TMEM232: variants seen among roughly 807,000 people sequenced by gnomAD.
The protein encoded by TMEM232 is transmembrane protein 232.
In TMEM232, 80 loss-of-function variants were observed where a neutral mutation model predicts 78.8. The ratio of observed to expected loss-of-function variants is 1.01; its 90% CI spans 0.85 to 1.22. The LOEUF (loss-of-function observed/expected upper bound fraction) is 1.22. Ranked by LOEUF, TMEM232 falls within the 50% of genes most tolerant of loss-of-function variation. The probability of loss-of-function intolerance (pLI) is 0.00; values close to 1 mark genes in which losing one functional copy is unlikely to be tolerated. For missense variants in TMEM232, 881 were observed against 742.2 expected (o/e 1.19, Z -2.17); for synonymous variants, 297 against 254.3 (o/e 1.17, Z -1.60).
intron 3 of TMEM232, among the ~76,000 whole-genome samples, chr5:110,391,326 T>TGTGTGTGAGAGA (rs549361387): frequency 7.1e-5 from 10 of 139,924 alleles, no homozygotes; most frequent in East Asian, 4.3e-4. Flanking sequence ...TGTGTGTGTG[T>TGTGTGTGAGAGA]GAGAGAGAGA....
Position 110,646,296 on chromosome 5 carries a change from T to C in TMEM232, c.126-3925A>G, listed in dbSNP as rs561369027. On this transcript the variant is annotated intron_variant, in intron 2 of 13. Transcript: ENST00000455884. ...CAATCTTGTGCAAGATGAACAAAAA[T>C]GGAGGAATCACATTTCCTGACTTCA... is the stretch of plus-strand genomic sequence containing the variant. Among the ~76,000 whole-genome samples the C allele has an allele frequency of 1.6e-4, 25 of 151,752 alleles. No individual in the cohort carries two copies. In the South Asian group the frequency reaches 5.0e-3, roughly 30 times the overall value.
intron 1 of TMEM232, among the ~76,000 whole-genome samples, chr5:110,697,537 A>G (rs1258537354): frequency 3.3e-5 from 5 of 152,092 alleles, no homozygotes; most frequent in Non-Finnish European, 1.5e-5. Flanking sequence ...GAAAATTTTT[A>G]CAATCTACTC....
chr5:110,427,590 A>G (rs1339579223), intron 12 of TMEM232, among the ~76,000 whole-genome samples: 1 of 151,986 alleles, frequency 6.6e-6, no homozygotes, highest in Non-Finnish European at 1.5e-5. Flanking sequence ...TTAGATAAAC[A>G]GAAATTCATT....
At chr5:110,591,949 A>C (rs1433890736) in intron 10 of TMEM232, among the ~76,000 whole-genome samples, 1 of 152,110 alleles carries the variant, frequency 6.6e-6, no homozygotes, top group Non-Finnish European at 1.5e-5. Flanking sequence ...TACCTTTGGA[A>C]CCCTCCATTT....
At chr5:110,672,772 C>A (rs921716998) in intron 1 of TMEM232, among the ~76,000 whole-genome samples, 1 of 151,912 alleles carries the variant, frequency 6.6e-6, no homozygotes, top group Non-Finnish European at 1.5e-5. Context: ...ATCAAATTCC[C>A]AGTAGATCCC....
At chr5:110,465,821 T>G (rs1762015512) in intron 12 of TMEM232, among the ~76,000 whole-genome samples, 1 of 152,194 alleles carries the variant, frequency 6.6e-6, no homozygotes, top group Non-Finnish European at 1.5e-5. Flanking sequence ...CCCAATTGGT[T>G]AGAAAAATAT....
intron 1 of TMEM232, among the ~76,000 whole-genome samples, chr5:110,737,287 A>G (rs961755102): frequency 6.6e-6 from 1 of 152,112 alleles, no homozygotes; most frequent in African/African-American, 2.4e-5. Context: ...TTAATCAATA[A>G]TAATTATTTG....
At chr5:110,391,326 T>TGAGAGAGAGAGAGAGAGA (rs71626630) in intron 3 of TMEM232, among the ~76,000 whole-genome samples, 2 of 139,922 alleles carry the variant, frequency 1.4e-5, no homozygotes, top group African/African-American at 5.9e-5. Context: ...TGTGTGTGTG[T>TGAGAGAGAGAGAGAGAGA]GAGAGAGAGA....
At chr5:110,697,370 T>C (rs1340804077) in intron 1 of TMEM232, among the ~76,000 whole-genome samples, 1 of 152,200 alleles carries the variant, frequency 6.6e-6, no homozygotes, top group Non-Finnish European at 1.5e-5. Flanking sequence ...GGCAATATCA[T>C]TCAGGACATA....
In TMEM232 at chr5:110,654,247, C is replaced by T. The variant is rs1413504111; in HGVS notation, c.126-11876G>A. 2.0e-5 allele frequency among the ~76,000 whole-genome samples: 3 copies of T among 152,238 alleles called. No individual in the cohort carries two copies. The East Asian group carries it at 5.8e-4, about 29-fold the overall frequency. On this transcript the variant is annotated intron_variant, in intron 2 of 13. Coordinates refer to ENST00000455884, the MANE Select transcript of TMEM232 (RefSeq NM_001039763.4). The stretch of plus-strand genomic sequence containing the variant: ...TGATGCCAGCTGGGCCAATTCAGGT[C>T]TCTTTCTAAGGATTTTAAATAAAAT...
intron 2 of TMEM232, among the ~76,000 whole-genome samples, chr5:110,664,976 G>T (rs936006936): frequency 2.0e-5 from 3 of 152,156 alleles, no homozygotes; most frequent in African/African-American, 7.2e-5. Context: ...GTTACTATCT[G>T]GTTTGCTATG....
In TMEM232 at chr5:110,614,052, T is replaced by C. The variant is rs146235849; in HGVS notation, c.902+4377A>G. On this transcript the variant is annotated intron_variant, in intron 8 of 13. Transcript: ENST00000455884. ...AATCTTTTCCTTAAAATAAAAAAAG[T>C]AACTATATAAAACAGAATCAAAACT... 7.3e-3 allele frequency among the ~76,000 whole-genome samples: 1,104 copies of C among 152,206 alleles called. 15 individuals carry two copies. Among genetic ancestry groups the C allele is most frequent in the African/African-American group, 0.025 (1,053 of 41,572 alleles).
At chr5:110,633,784 T>A (rs1325008678) in intron 5 of TMEM232, among the ~76,000 whole-genome samples, 2 of 152,136 alleles carry the variant, frequency 1.3e-5, no homozygotes, top group African/African-American at 4.8e-5. Context: ...TATAGCAGTG[T>A]GAAAATGGAC....
At chr5:110,512,394 A>G (rs1014628714) in intron 12 of TMEM232, among the ~76,000 whole-genome samples, 3 of 152,144 alleles carry the variant, frequency 2.0e-5, no homozygotes, top group Non-Finnish European at 4.4e-5. Flanking sequence ...CAAGAATCCA[A>G]TCAATCATGC....
At chr5:110,423,767 T>C (rs1489271351) in intron 13 of TMEM232, among the ~76,000 whole-genome samples, 1 of 147,220 alleles carries the variant, frequency 6.8e-6, no homozygotes, top group Non-Finnish European at 1.5e-5. Context: ...ACCAAAGTAG[T>C]TATTTATGCG....
At chr5:110,635,598 T>C (rs1270916447) in intron 5 of TMEM232, among the ~76,000 whole-genome samples, 2 of 152,000 alleles carry the variant, frequency 1.3e-5, no homozygotes, top group South Asian at 4.1e-4. Context: ...TCATCTCAGA[T>C]GCAGAAAAAG....
chr5:110,491,551 A>C (rs1312265591), intron 12 of TMEM232, among the ~76,000 whole-genome samples: 2 of 152,038 alleles, frequency 1.3e-5, no homozygotes, highest in African/African-American at 4.8e-5. Context: ...ATTTTAGATT[A>C]ATCAAAATAA....
At chr5:110,700,266 G>T (rs570387837) in intron 1 of TMEM232, among the ~76,000 whole-genome samples, 72 of 152,104 alleles carry the variant, frequency 4.7e-4, no homozygotes, top group African/African-American at 1.7e-3. Context: ...AACAATATTT[G>T]GGAATGAATG....
At chr5:110,621,203 A>G (rs1430095098) in intron 7 of TMEM232, among the ~76,000 whole-genome samples, 2 of 139,968 alleles carry the variant, frequency 1.4e-5, no homozygotes, top group Non-Finnish European at 2.9e-5. Context: ...TTCAAAAAAT[A>G]AAAAATAAAT....
Sources: allele counts gnomAD v4.1 joint callset (sites outside exome capture counted in the v4.1 genomes callset), GRCh38; gene constraint gnomAD v4.1.1; transcripts MANE v1.5; gene names NCBI Gene and HGNC (gene_info 2026-07-23, HGNC 2026-07-21).